Variants in CSMD1 observed in about 807,000 individuals in gnomAD.
CSMD1 encodes CUB and sushi domain-containing protein 1.
A neutral mutation model predicts 417.5 loss-of-function variants in CSMD1; 213 were observed. That is an observed-to-expected ratio of 0.51 (90% confidence interval 0.46 to 0.57). The LOEUF (loss-of-function observed/expected upper bound fraction) is 0.57, where lower values mean the gene tolerates loss of function less well. CSMD1 is among the 20% of genes least tolerant of loss of function. The pLI, the probability that CSMD1 is intolerant of heterozygous loss-of-function variation, is 0.00. For missense variants in CSMD1, 6,923 were observed against 4,529.7 expected (o/e 1.53, Z -15.17); for synonymous variants, 2,862 against 1,736.8 (o/e 1.65, Z -16.11).
intron 5 of CSMD1, among the ~76,000 whole-genome samples, chr8:3,788,402 C>T (rs569512568): frequency 6.6e-6 from 1 of 152,228 alleles, no homozygotes; most frequent in Non-Finnish European, 1.5e-5. Context: ...ACAGAAGACC[C>T]AAGTGAGGCT....
rs76868623 is a variant in CSMD1, at chr8:3,489,813, G to A, written c.1448+3810C>T. ...TCCAAATTTCTCTTAAAATCGAGAT[G>A]TAACTAGAATTCCATATTTCCCACA... On this transcript the variant is annotated intron_variant, in intron 11 of 69. Transcript: ENST00000635120. Among the ~76,000 whole-genome samples the A allele has an allele frequency of 5.9e-3, 891 of 152,242 alleles. 4 individuals carry two copies. The highest frequency in any genetic ancestry group is 0.02 in the African/African-American group (841 of 41,548).
At chr8:4,751,994 G>C (rs1011418367) in intron 1 of CSMD1, among the ~76,000 whole-genome samples, 1 of 152,134 alleles carries the variant, frequency 6.6e-6, no homozygotes, top group South Asian at 2.1e-4. Context: ...ATATATGCGT[G>C]TATACACAAA....
At chr8:3,092,596 T>C (rs1359051749) in intron 47 of CSMD1, among the ~76,000 whole-genome samples, 1 of 152,224 alleles carries the variant, frequency 6.6e-6, no homozygotes, top group Non-Finnish European at 1.5e-5. Flanking sequence ...AATTCATATC[T>C]AGTTTTTTCA....
intron 8 of CSMD1, among the ~76,000 whole-genome samples, chr8:3,587,668 A>G (rs1800665108): frequency 6.6e-6 from 1 of 152,182 alleles, no homozygotes; most frequent in African/African-American, 2.4e-5. Flanking sequence ...CCATCAAATC[A>G]GAGTCAAAGC....
intron 1 of CSMD1, among the ~76,000 whole-genome samples, chr8:4,666,251 C>T (rs116651741): frequency 6.6e-6 from 1 of 152,238 alleles, no homozygotes; most frequent in African/African-American, 2.4e-5. Context: ...ATCAAGGTAA[C>T]AGATGGAATC....
chr8:4,828,936 C>A (rs182500416), intron 1 of CSMD1, among the ~76,000 whole-genome samples: 7 of 152,104 alleles, frequency 4.6e-5, no homozygotes, highest in African/African-American at 1.2e-4. Context: ...TTAACCATCC[C>A]CAAACCATAG....
At chr8:4,070,393 T>A (rs1176177038) in intron 3 of CSMD1, among the ~76,000 whole-genome samples, 1 of 152,182 alleles carries the variant, frequency 6.6e-6, no homozygotes, top group African/African-American at 2.4e-5. Context: ...AGTCTCGCTG[T>A]GTCGCCCAGG....
chr8:3,733,203 A>G (rs955970234), intron 6 of CSMD1, among the ~76,000 whole-genome samples: 1 of 114,414 alleles, frequency 8.7e-6, no homozygotes, highest in African/African-American at 4.6e-5. Context: ...ACACACACAC[A>G]CACTCTCTCT....
intron 10 of CSMD1, among the ~76,000 whole-genome samples, chr8:3,560,766 C>G (rs1309135617): frequency 6.6e-6 from 1 of 152,108 alleles, no homozygotes; most frequent in African/African-American, 2.4e-5. Flanking sequence ...ACTTTTTTGG[C>G]TATATATCTC....
intron 8 of CSMD1, among the ~76,000 whole-genome samples, chr8:3,591,203 A>G (rs1800829314): frequency 6.6e-6 from 1 of 152,222 alleles, no homozygotes. Flanking sequence ...ATCACACAGC[A>G]AAAGTTAACT....
At chr8:4,735,932 C>T (rs74697552) in intron 1 of CSMD1, among the ~76,000 whole-genome samples, 107 of 152,188 alleles carry the variant, frequency 7.0e-4, no homozygotes, top group African/African-American at 2.4e-3. Flanking sequence ...AAGTAGCCAC[C>T]GGTTGCAACA....
In CSMD1 at chr8:3,502,812, A is replaced by G. The variant is rs138395739; in HGVS notation, c.1345-9086T>C. Among the ~76,000 whole-genome samples the G allele has an allele frequency of 6.1e-4, 93 of 152,176 alleles. 1 individual carries two copies. The South Asian group carries it at 6.8e-3, about 11-fold the overall frequency. ...TGACTTTATACAGTTGCCCAAATCC[A>G]CAGAGTAAATAGCAGCCGGAGTGAG... On this transcript the variant is annotated intron_variant, in intron 10 of 69. Transcript: ENST00000635120.
chr8:3,539,143 T>C (rs6984932), intron 10 of CSMD1, among the ~76,000 whole-genome samples: 5,952 of 152,234 alleles, frequency 0.039, 343 homozygotes, highest in African/African-American at 0.12. Flanking sequence ...GTCTTTCCCT[T>C]CCACATACCA....
At chr8:3,731,054 C>T (rs1385884743) in intron 6 of CSMD1, among the ~76,000 whole-genome samples, 1 of 152,150 alleles carries the variant, frequency 6.6e-6, no homozygotes, top group Admixed American at 6.5e-5. Flanking sequence ...ATTATCACAG[C>T]TATTTTTCCT....
intron 5 of CSMD1, among the ~76,000 whole-genome samples, chr8:3,879,521 G>A (rs1806063537): frequency 6.6e-6 from 1 of 152,184 alleles, no homozygotes; most frequent in South Asian, 2.1e-4. Context: ...CAAGGAAGAT[G>A]TAGCTCCTCC....
intron 11 of CSMD1, among the ~76,000 whole-genome samples, chr8:3,489,329 C>G (rs975057545): frequency 1.3e-5 from 2 of 152,176 alleles, no homozygotes; most frequent in Non-Finnish European, 2.9e-5. Flanking sequence ...ACAGATGTCC[C>G]TAATAATATT....
chr8:4,446,278 T>A (rs891228783), intron 2 of CSMD1, among the ~76,000 whole-genome samples: 1 of 152,208 alleles, frequency 6.6e-6, no homozygotes, highest in Non-Finnish European at 1.5e-5. Context: ...CTGGGAGTGG[T>A]GGCTCATGCC....
In CSMD1 at chr8:3,866,083, G is replaced by T. The variant is rs59361691; in HGVS notation, c.819-112041C>A. Among the ~76,000 whole-genome samples, 725 of 152,224 alleles carry T rather than the reference G, an allele frequency of 4.8e-3. 4 individuals carry two copies. Among genetic ancestry groups the T allele is most frequent in the African/African-American group, 0.017 (692 of 41,550 alleles). On this transcript the variant is annotated intron_variant, in intron 5 of 69. Transcript: ENST00000635120. Reference sequence around the variant, plus strand: ...AAATGTCTTTAAAAATTCTATTCATGAGCTTTCTTCCAAATAAGGATTACA... The same window carrying T: ...AAATGTCTTTAAAAATTCTATTCATTAGCTTTCTTCCAAATAAGGATTACA...
chr8:3,572,719 C>T (rs1193945126), intron 10 of CSMD1, among the ~76,000 whole-genome samples: 2 of 152,158 alleles, frequency 1.3e-5, no homozygotes, highest in Non-Finnish European at 2.9e-5. Flanking sequence ...GTCTCGATCA[C>T]ATCTCAATCC....
Sources: allele counts gnomAD v4.1 joint callset (sites outside exome capture counted in the v4.1 genomes callset), GRCh38; gene constraint gnomAD v4.1.1; transcripts MANE v1.5; gene names NCBI Gene and HGNC (gene_info 2026-07-23, HGNC 2026-07-21).